ANKRD54: variants seen among roughly 807,000 people sequenced by gnomAD.
ANKRD54 encodes the protein ankyrin repeat domain-containing protein 54.
Under a neutral mutation model 36.2 loss-of-function variants are expected in ANKRD54, and 26 were observed. The ratio of observed to expected loss-of-function variants is 0.72; its 90% CI spans 0.53 to 1.00. ANKRD54 has a LOEUF of 1.00. ANKRD54 is among the 50% of genes least tolerant of loss of function. The pLI is 0.00. For synonymous variants in ANKRD54, 209 were observed against 188.4 expected, an observed-to-expected ratio of 1.11 and a Z score of -0.89; for missense variants, 384 against 424.3, an observed-to-expected ratio of 0.91 and a Z score of 0.83.
Position 37,840,180 on chromosome 22 carries a change from C to A in ANKRD54, c.376+7G>T, listed in dbSNP as rs1458723384. 6.2e-7 allele frequency: 1 copy of A among 1,614,098 alleles called. No homozygotes were observed. Among genetic ancestry groups the A allele is most frequent in the Non-Finnish European group, 8.5e-7 (1 of 1,179,946 alleles). ...ACCCTGTAGCTGGACCTACTGTGCA[C>A]ACTCACCTGTTTCCACATCATTGGC... is the stretch of plus-strand genomic sequence containing the variant. On this transcript the variant is annotated splice_region_variant and intron_variant, in intron 2 of 7. Transcript: ENST00000215941.
At chr22:37,840,013 G>C (rs913169339) in intron 2 of ANKRD54, among the ~76,000 whole-genome samples, 174 bp downstream of exon 2, 1 of 152,238 alleles carries the variant, frequency 6.6e-6, no homozygotes, top group Non-Finnish European at 1.5e-5. Context: ...GAGAGTGAGT[G>C]TCTAAGCCAG....
rs758405690 is a variant in ANKRD54 at position 37,833,751 on chromosome 22, C to G, written c.480G>C (p.Gln160His). ...GATCAGCACCATGGTCCAGGAGCAGCTGCACTGGAAACAGGCAAACCCAAG... is the reference window on the plus strand; with the variant it reads ...GATCAGCACCATGGTCCAGGAGCAGGTGCACTGGAAACAGGCAAACCCAAG... ...ASCNGNDQIV[Q>H]LLLDHGADPN... The change falls in exon 4 of 8, where the codon CAG becomes CAC. Residue 160 changes from glutamine to histidine, a missense_variant. Gln to His is a conservative substitution (Grantham distance 24, BLOSUM62 0). This residue lies in a region of ANKRD54 where 179 missense variants were observed against 224.0 expected (regional missense o/e 0.80). Transcript: ENST00000215941. 12 of 1,613,912 alleles carry G rather than the reference C, an allele frequency of 7.4e-6. No individual in the cohort carries two copies. Among genetic ancestry groups the G allele is most frequent in the African/African-American group, 1.3e-5 (1 of 74,944 alleles).
At chr22:37,840,880 C>G (rs1924149253) in intron 1 of ANKRD54, among the ~76,000 whole-genome samples, 1 of 151,650 alleles carries the variant, frequency 6.6e-6, no homozygotes, top group Non-Finnish European at 1.5e-5. Flanking sequence ...GAGTGAGACG[C>G]TGTCTCAGAA....
In ANKRD54 at chr22:37,844,026, C is replaced by A. The variant is rs566447350; in HGVS notation, c.213G>T (p.Leu71=). The A allele has an allele frequency of 1.1e-4, 160 of 1,437,872 alleles. 2 individuals are homozygous for A. In the South Asian group the frequency reaches 2.1e-3, roughly 19 times the overall value. The allele number at this position is 1,437,872 out of a possible 1,614,324, so 89.1% of individuals were successfully genotyped here. ...AQSPLRYLHV[L]WQQDAEPRDE... Reference sequence around the variant, plus strand: ...CGCGCGGCTCCGCATCCTGCTGCCACAGGACGTGCAAGTAGCGCAGCGGCG... The same window carrying A: ...CGCGCGGCTCCGCATCCTGCTGCCAAAGGACGTGCAAGTAGCGCAGCGGCG... Residue 71 remains leucine, a synonymous_variant, in exon 1 of 8, where the codon CTG becomes CTT. Transcript: ENST00000215941.
chr22:37,841,194 C>A (rs1924198062), intron 1 of ANKRD54, among the ~76,000 whole-genome samples: 1 of 151,702 alleles, frequency 6.6e-6, no homozygotes, highest in South Asian at 2.1e-4. Flanking sequence ...GAGTTCAAGA[C>A]CAGCCTGGCC....
intron 7 of ANKRD54, 147 bp downstream of exon 7, chr22:37,832,490 A>G: frequency 1.5e-6 from 1 of 668,838 alleles, no homozygotes; most frequent in East Asian, 2.7e-5. Context: ...AGCCTCCCAT[A>G]GCGTTGGGAT....
chr22:37,842,454 G>A (rs1042062082), intron 1 of ANKRD54, among the ~76,000 whole-genome samples: 2 of 152,180 alleles, frequency 1.3e-5, no homozygotes, highest in Admixed American at 1.3e-4. Context: ...TGCAAAACAA[G>A]GCTGAGTTGT....
At position 37,840,048 on chromosome 22, in the gene ANKRD54, ACAGT is replaced by A. The variant is rs377730696; in HGVS notation, c.376+135_376+138del. ...GACTTACCTTCAGCAAGATGACTGC[ACAGT>A]CAGACAATAAATACAGTGAGCCTGC... On this transcript the variant is annotated intron_variant, in intron 2 of 7. Coordinates refer to ENST00000215941, the MANE Select transcript of ANKRD54 (RefSeq NM_138797.4). 3,479 of 986,140 alleles carry A rather than the reference ACAGT, an allele frequency of 3.5e-3. 14 individuals carry two copies. The highest frequency in any genetic ancestry group is 4.6e-3 in the South Asian group (338 of 73,374). The allele number at this position is 986,140 out of a possible 1,614,324, so 61.1% of individuals were successfully genotyped here.
intron 3 of ANKRD54, 40 bp from the exon 4 acceptor site, chr22:37,833,795 C>CCATTGCG: frequency 6.3e-7 from 1 of 1,598,436 alleles, no homozygotes; most frequent in African/African-American, 1.3e-5. Flanking sequence ...TCGGAGGCTT[C>CCATTGCG]CATTGCCTGC....
At chr22:37,840,385 C>T (rs1924077312) in intron 1 of ANKRD54, 151 bp from the exon 2 acceptor site, 2 of 804,258 alleles carry the variant, frequency 2.5e-6, no homozygotes, top group South Asian at 1.5e-5. Flanking sequence ...GGTGAAACCC[C>T]ATCTCTACTA....
intron 2 of ANKRD54, 86 bp from the exon 3 acceptor site, chr22:37,838,684 CAG>C: frequency 1.5e-6 from 2 of 1,364,350 alleles, no homozygotes; most frequent in South Asian, 1.3e-5. Flanking sequence ...GAGGGAGGCT[CAG>C]GGGTGCCTCT....
chr22:37,840,003 G>T (rs1924023511), intron 2 of ANKRD54, among the ~76,000 whole-genome samples, 184 bp downstream of exon 2: 1 of 152,250 alleles, frequency 6.6e-6, no homozygotes, highest in South Asian at 2.1e-4. Flanking sequence ...GGAGCATGGG[G>T]AGAGTGAGTG....
chr22:37,840,416 G>A (rs1266411520), intron 1 of ANKRD54, among the ~76,000 whole-genome samples, 182 bp from the exon 2 acceptor site: 4 of 151,864 alleles, frequency 2.6e-5, no homozygotes, highest in Admixed American at 6.6e-5. Context: ...AAAATTAGCC[G>A]GGCGTGGTGG....
At chr22:37,841,588 G>A (rs1019531949) in intron 1 of ANKRD54, among the ~76,000 whole-genome samples, 1 of 151,132 alleles carries the variant, frequency 6.6e-6, no homozygotes, top group Non-Finnish European at 1.5e-5. Context: ...AGTGGCTCAC[G>A]CCTGTAATCC....
At chr22:37,832,767 G>T in intron 6 of ANKRD54, 23 bp from the exon 7 acceptor site, 1 of 1,613,058 alleles carries the variant, frequency 6.2e-7, no homozygotes. Flanking sequence ...GGTGAGCTGA[G>T]CTGCCTGGGT....
intron 2 of ANKRD54, among the ~76,000 whole-genome samples, chr22:37,839,411 A>G (rs936249069): frequency 6.6e-6 from 1 of 152,154 alleles, no homozygotes; most frequent in Non-Finnish European, 1.5e-5. Flanking sequence ...TATTTGAGAC[A>G]GAATTTCGCT....
intron 3 of ANKRD54, among the ~76,000 whole-genome samples, chr22:37,836,545 A>T (rs560919673): frequency 2.0e-5 from 3 of 149,262 alleles, no homozygotes; most frequent in African/African-American, 7.4e-5. Context: ...CAGGGAGGGG[A>T]ACATCACATA....
chr22:37,839,732 C>T (rs1315794861), intron 2 of ANKRD54, among the ~76,000 whole-genome samples: 3 of 152,030 alleles, frequency 2.0e-5, no homozygotes, highest in Non-Finnish European at 1.5e-5. Context: ...GTTGTCCAGG[C>T]TGGTCTCAAA....
At chr22:37,836,611 C>T (rs1923581910) in intron 3 of ANKRD54, among the ~76,000 whole-genome samples, 1 of 151,694 alleles carries the variant, frequency 6.6e-6, no homozygotes, top group African/African-American at 2.4e-5. Context: ...GGACAAATAC[C>T]TAATGCATGA....
Sources: gnomAD v4.1 joint callset for allele counts (sites outside exome capture counted in the v4.1 genomes callset) on GRCh38, gnomAD v4.1.1 for gene constraint, gnomAD v4.1.1 regional missense constraint, MANE v1.5 for transcripts, NCBI Gene and HGNC (gene_info 2026-07-23, HGNC 2026-07-21) for gene names.